Variants in AP3D1 observed in about 807,000 individuals in gnomAD.
AP3D1 encodes the protein adaptor related protein complex 3 subunit delta 1.
A neutral mutation model predicts 147.6 loss-of-function variants in AP3D1; 51 were observed. That is an observed-to-expected ratio of 0.35 (90% CI 0.28 to 0.44). The LOEUF (loss-of-function observed/expected upper bound fraction) is 0.44. Ranked by LOEUF, AP3D1 falls within the 20% of genes least tolerant of loss-of-function variation. The pLI is 1.00. For synonymous variants in AP3D1, 760 were observed against 663.0 expected, an observed-to-expected ratio of 1.15 and a Z score of -2.25; for missense variants, 1,421 against 1,624.2, an observed-to-expected ratio of 0.87 and a Z score of 2.15.
At chr19:2,114,089 A>AATGGAG in intron 22 of AP3D1, 36 bp downstream of exon 22, 1 of 1,539,716 alleles carries the variant, frequency 6.5e-7, no homozygotes, top group Non-Finnish European at 8.8e-7. Context: ...AAGGGAGGGG[A>AATGGAG]ATGGAGAAGG....
intron 1 of AP3D1, among the ~76,000 whole-genome samples, chr19:2,150,703 G>T (rs2019483220): frequency 6.6e-6 from 1 of 152,210 alleles, no homozygotes; most frequent in Admixed American, 6.5e-5. Flanking sequence ...GACCCAGAAG[G>T]AAGAAGGAGT....
At chr19:2,124,719 T>C (rs932765525) in intron 9 of AP3D1, among the ~76,000 whole-genome samples, 3 of 152,204 alleles carry the variant, frequency 2.0e-5, no homozygotes, top group Admixed American at 6.5e-5. Context: ...GGCGGGCAGA[T>C]GACCTGAGGT....
At chr19:2,158,053 G>A (rs942373884) in intron 1 of AP3D1, among the ~76,000 whole-genome samples, 1 of 151,934 alleles carries the variant, frequency 6.6e-6, no homozygotes, top group Non-Finnish European at 1.5e-5. Context: ...CGGCTCAGCA[G>A]AATTTTGTTT....
chr19:2,136,015 GCCACGA>G, intron 4 of AP3D1, among the ~76,000 whole-genome samples: 1 of 150,564 alleles, frequency 6.6e-6, no homozygotes, highest in South Asian at 2.1e-4. Flanking sequence ...CCGCTACACG[GCCACGA>G]CCCAAGAAGA....
At chr19:2,115,514 C>T (rs146918728) in intron 19 of AP3D1, 24 bp downstream of exon 19, 170 of 1,611,700 alleles carry the variant, frequency 1.1e-4, no homozygotes, top group Middle Eastern at 1.7e-4. Flanking sequence ...ACAAATGCGG[C>T]GCCGACACAC....
In AP3D1 at chr19:2,115,372, C is replaced by A. The variant is rs773554575; in HGVS notation, c.2196G>T (p.Arg732=). The A allele has an allele frequency of 3.7e-6, 6 of 1,606,746 alleles. No individual in the cohort carries two copies. The highest frequency in any genetic ancestry group is 5.1e-6 in the Non-Finnish European group (6 of 1,179,900). The change falls in exon 20 of 32, where the codon CGG becomes CGT. Residue 732 remains arginine (R), a synonymous_variant. Coordinates refer to ENST00000643116, the MANE Select transcript of AP3D1 (RefSeq NM_001261826.3). ...DQYVKLEEER[R]HRQKLEKDKR... Reference sequence around the variant, plus strand: ...TGTCCTTCTCCAGCTTCTGCCGGTGCCGCCGCTCCTCCTCCAGCTTCACAT... The same window carrying A: ...TGTCCTTCTCCAGCTTCTGCCGGTGACGCCGCTCCTCCTCCAGCTTCACAT...
chr19:2,151,937 G>C (rs1429561055), upstream of AP3D1, among the ~76,000 whole-genome samples: 1 of 152,226 alleles, frequency 6.6e-6, no homozygotes, highest in Non-Finnish European at 1.5e-5. Flanking sequence ...CTGGAGCTCC[G>C]CCTTTCCTGA....
chr19:2,109,817 G>C (rs2018215792), intron 29 of AP3D1, 56 bp downstream of exon 29: 1 of 1,533,308 alleles, frequency 6.5e-7, no homozygotes. Flanking sequence ...GTGTCTGCAA[G>C]GTAGAGGGGA....
At chr19:2,106,782 A>G (rs1362632633) in intron 31 of AP3D1, among the ~76,000 whole-genome samples, 1 of 152,218 alleles carries the variant, frequency 6.6e-6, no homozygotes, top group Non-Finnish European at 1.5e-5. Context: ...CATGAGGTGT[A>G]ATAACAGCAG....
upstream of AP3D1, among the ~76,000 whole-genome samples, chr19:2,153,287 T>A (rs1433284972): frequency 6.7e-6 from 1 of 150,002 alleles, no homozygotes; most frequent in Admixed American, 6.7e-5. Flanking sequence ...GGCAGGAGAA[T>A]GACATGAGTC....
intron 20 of AP3D1, 135 bp from the exon 21 acceptor site, chr19:2,114,956 C>T: frequency 9.9e-7 from 1 of 1,009,112 alleles, no homozygotes; most frequent in Admixed American, 2.0e-5. Flanking sequence ...CCACCAGAGG[C>T]TCCGCTCAGC....
At chr19:2,149,087 A>C (rs1226097297) in intron 1 of AP3D1, among the ~76,000 whole-genome samples, 3 of 152,200 alleles carry the variant, frequency 2.0e-5, no homozygotes, top group African/African-American at 7.2e-5. Context: ...ATCCAGAATC[A>C]GACATGAACA....
chr19:2,157,460 A>AAAAAAAAG (rs1276331022), intron 1 of AP3D1, among the ~76,000 whole-genome samples: 1,486 of 132,952 alleles, frequency 0.011, 77 homozygotes, highest in African/African-American at 0.039. Flanking sequence ...AAAAAAAAAA[A>AAAAAAAAG]GAAAAAAACA....
chr19:2,121,642 C>G, intron 12 of AP3D1, 92 bp downstream of exon 12: 2 of 1,467,160 alleles, frequency 1.4e-6, no homozygotes, highest in Admixed American at 2.5e-5. Flanking sequence ...TGTGAGGGGA[C>G]TCCATGCATT....
Position 2,117,242 on chromosome 19 carries a change from C to T in AP3D1, c.1839G>A (p.Lys613=), listed in dbSNP as rs775188797. 2 of 1,611,226 alleles carry T rather than the reference C, an allele frequency of 1.2e-6. No individual in the cohort carries two copies. The highest frequency in any genetic ancestry group is 1.7e-6 in the Non-Finnish European group (2 of 1,178,960). The part of the protein sequence containing the change: ...ELNPVAPKAQ[K]KVPVPEGLDL... ...CTTACCCTTCGGGGACTGGAACCTT[C>T]TTCTGGGCCTTGGGGGCCACTGGGT... is the stretch of plus-strand genomic sequence containing the variant. Residue 613 remains lysine (K), a synonymous_variant, in exon 16 of 32, where the codon AAG becomes AAA. Transcript: ENST00000643116.
intron 4 of AP3D1, 48 bp from the exon 5 acceptor site, chr19:2,132,626 C>T (rs1281430253): frequency 1.3e-6 from 2 of 1,532,082 alleles, no homozygotes; most frequent in Non-Finnish European, 1.8e-6. Context: ...CTGGGTGGCA[C>T]ATCCGACGCC....
At chr19:2,110,599 A>T in intron 27 of AP3D1, 108 bp downstream of exon 27, 1 of 1,237,578 alleles carries the variant, frequency 8.1e-7, no homozygotes, top group Non-Finnish European at 1.1e-6. Flanking sequence ...CCTGGGGACA[A>T]AGGGGACATG....
In AP3D1 at chr19:2,116,750, C is replaced by A; in HGVS notation, c.1860-4G>T. 6.2e-7 allele frequency: 1 copy of A among 1,606,074 alleles called. No individual in the cohort carries two copies. Among genetic ancestry groups the A allele is most frequent in the Non-Finnish European group, 8.5e-7 (1 of 1,176,470 alleles). On this transcript the variant is annotated splice_region_variant and splice_polypyrimidine_tract_variant and intron_variant, in intron 16 of 31. Coordinates refer to ENST00000643116, the MANE Select transcript of AP3D1 (RefSeq NM_001261826.3). ...GATCCAGGCGTCCAGGTCCAGGCTG[C>A]ACCGGACAGGAGGGCCACACAAGGC... is the stretch of plus-strand genomic sequence containing the variant.
At chr19:2,109,562 C>T (rs2018207348) in intron 29 of AP3D1, 1 of 489,518 alleles carries the variant, frequency 2.0e-6, no homozygotes, top group Non-Finnish European at 3.7e-6. Flanking sequence ...GTGCCGCACG[C>T]CAAGCCGTGC....
Sources: gnomAD v4.1 joint callset for allele counts (sites outside exome capture counted in the v4.1 genomes callset) on GRCh38, gnomAD v4.1.1 for gene constraint, MANE v1.5 for transcripts, NCBI Gene and HGNC (gene_info 2026-07-23, HGNC 2026-07-21) for gene names.